The following FAM20C variants were observed in gnomAD, a reference collection of about 807,000 sequenced individuals.
The protein encoded by FAM20C is FAM20C golgi associated secretory pathway kinase, also known as extracellular serine/threonine protein kinase FAM20C.
FAM20C carries 40 observed loss-of-function variants against 51.5 expected under a neutral mutation model. The observed-to-expected ratio is 0.78, with a 90% confidence interval of 0.60 to 1.01. The LOEUF (loss-of-function observed/expected upper bound fraction) is 1.01. FAM20C is among the 50% of genes least tolerant of loss of function. FAM20C has a pLI of 0.00. For missense variants in FAM20C, 861 were observed against 844.7 expected (o/e 1.02, Z -0.24); for synonymous variants, 406 against 380.6 (o/e 1.07, Z -0.78).
At chr7:218,238 T>G (rs1027276322) in intron 3 of FAM20C, among the ~76,000 whole-genome samples, 1 of 152,208 alleles carries the variant, frequency 6.6e-6, no homozygotes, top group Non-Finnish European at 1.5e-5. Flanking sequence ...ATTTAGGTGT[T>G]CACCACGTGG....
chr7:193,909 C>T (rs1254112441), intron 1 of FAM20C, 105 bp downstream of exon 1: 4 of 1,407,346 alleles, frequency 2.8e-6, no homozygotes, highest in Middle Eastern at 2.5e-4. Context: ...TGGAAGAGGC[C>T]GGGCAGGGAG....
intron 2 of FAM20C, among the ~76,000 whole-genome samples, chr7:202,202 G>T (rs536487442): frequency 7.2e-5 from 11 of 152,076 alleles, no homozygotes; most frequent in Admixed American, 5.9e-4. Context: ...AGGACGGGTG[G>T]CCACTGGGCG....
At chr7:256,067 T>C in intron 6 of FAM20C, 38 bp downstream of exon 6, 1 of 1,527,166 alleles carries the variant, frequency 6.5e-7, no homozygotes, top group Non-Finnish European at 8.8e-7. Context: ...CCGGCCACCC[T>C]ACGGCAGAGG....
intron 3 of FAM20C, among the ~76,000 whole-genome samples, chr7:236,240 G>A (rs1016323758): frequency 2.3e-5 from 3 of 131,212 alleles, no homozygotes; most frequent in East Asian, 2.1e-4. Flanking sequence ...GCTCCTGGCC[G>A]AGGTGAGAGT....
chr7:218,602 C>T (rs976628360), intron 3 of FAM20C, among the ~76,000 whole-genome samples: 6 of 152,142 alleles, frequency 3.9e-5, no homozygotes, highest in African/African-American at 9.7e-5. Context: ...ACCGCTCTGA[C>T]GCCTCCTGGC....
chr7:219,981 C>T (rs1787179007), intron 3 of FAM20C, among the ~76,000 whole-genome samples: 1 of 152,102 alleles, frequency 6.6e-6, no homozygotes, highest in Admixed American at 6.5e-5. Flanking sequence ...GACAAGGACC[C>T]CTTTGTGTCC....
At chr7:201,038 C>G (rs1395425760) in intron 2 of FAM20C, among the ~76,000 whole-genome samples, 1 of 152,240 alleles carries the variant, frequency 6.6e-6, no homozygotes, top group Non-Finnish European at 1.5e-5. Context: ...CCGAGCAGAC[C>G]TCTCTGGCTT....
At chr7:236,212 G>A (rs886428778) in intron 3 of FAM20C, among the ~76,000 whole-genome samples, 13 of 98,284 alleles carry the variant, frequency 1.3e-4, no homozygotes, top group Non-Finnish European at 2.3e-4. Flanking sequence ...GCTCCTGGCC[G>A]AGGTGAGAGG....
intron 3 of FAM20C, among the ~76,000 whole-genome samples, chr7:219,058 C>T (rs2115092851): frequency 6.6e-6 from 1 of 152,328 alleles, no homozygotes; most frequent in African/African-American, 2.4e-5. Context: ...CAGTGCTCCC[C>T]ACCGCACAGA....
chr7:250,384 C>G (rs1788349123), intron 5 of FAM20C, among the ~76,000 whole-genome samples: 1 of 152,136 alleles, frequency 6.6e-6, no homozygotes, highest in Admixed American at 6.5e-5. Context: ...GGAAGAAGGG[C>G]TCCCTTCCCT....
rs1053899257 is a variant in FAM20C at position 232,528 on chromosome 7, T to C, written c.864-13887T>C. ...CAAACAGCTTAGCACAGCGCTTAGC[T>C]CAGAGTGAGAGCCACATCCCTGTTG... On this transcript the variant is annotated intron_variant, in intron 3 of 9. Transcript: ENST00000313766. 9.5e-4 allele frequency among the ~76,000 whole-genome samples: 145 copies of C among 152,348 alleles called. 1 individual carries two copies. In the East Asian group the frequency reaches 0.025, roughly 26 times the overall value.
intron 3 of FAM20C, among the ~76,000 whole-genome samples, chr7:218,376 G>T (rs1203765649): frequency 6.6e-6 from 1 of 152,246 alleles, no homozygotes; most frequent in African/African-American, 2.4e-5. Context: ...CCTCCGTCCA[G>T]TGCCGCGCTG....
At chr7:240,647 T>C (rs1195263704) in intron 3 of FAM20C, among the ~76,000 whole-genome samples, 2 of 152,166 alleles carry the variant, frequency 1.3e-5, no homozygotes, top group Admixed American at 1.3e-4. Flanking sequence ...TGAGTCCTCA[T>C]TCATTCATTT....
At chr7:213,575 G>A (rs184875300) in intron 3 of FAM20C, among the ~76,000 whole-genome samples, 10 of 152,112 alleles carry the variant, frequency 6.6e-5, no homozygotes, top group Non-Finnish European at 7.3e-5. Context: ...CTCTGTTGAC[G>A]GGCATTTGAG....
chr7:222,053 C>T (rs1175580073), intron 3 of FAM20C, among the ~76,000 whole-genome samples: 1 of 101,222 alleles, frequency 9.9e-6, no homozygotes, highest in Non-Finnish European at 2.2e-5. Context: ...GGCGGAGCCT[C>T]GTCTCCAGCA....
chr7:255,703 T>C, intron 5 of FAM20C, 146 bp from the exon 6 acceptor site: 4 of 805,408 alleles, frequency 5.0e-6, no homozygotes, highest in Non-Finnish European at 7.6e-6. Context: ...GGTGGAGGTG[T>C]TTGCTGGGAT....
chr7:252,419 C>T (rs191453178), intron 5 of FAM20C, among the ~76,000 whole-genome samples: 326 of 151,552 alleles, frequency 2.2e-3, no homozygotes, highest in African/African-American at 7.5e-3. Flanking sequence ...CAGGTCATCT[C>T]GGAGGCCCTG....
In FAM20C at chr7:256,322, C is replaced by T. The variant is rs1788588492; in HGVS notation, c.1253+293C>T. ...CTCTCGCCCCGTCCCTCTCCTCACT[C>T]CTGCGGGAGAAACGGCCCCTGTTCT... On this transcript the variant is annotated intron_variant, in intron 6 of 9. Coordinates refer to ENST00000313766, the MANE Select transcript of FAM20C (RefSeq NM_020223.4). 14 of 575,450 alleles carry T rather than the reference C, an allele frequency of 2.4e-5. No individual in the cohort carries two copies. In the South Asian group the frequency reaches 3.2e-4, roughly 13 times the overall value. 35.6% of individuals were successfully genotyped at this position (575,450 alleles called of 1,614,324 possible). A position where few individuals can be genotyped will look rare whatever the true frequency, so the allele number is the denominator to read the frequency against.
At chr7:218,332 C>T (rs1787098617) in intron 3 of FAM20C, among the ~76,000 whole-genome samples, 1 of 152,232 alleles carries the variant, frequency 6.6e-6, no homozygotes, top group South Asian at 2.1e-4. Flanking sequence ...CCGGTGCTCC[C>T]GTCCTGGAGG....
Sources: gnomAD v4.1 joint callset for allele counts (sites outside exome capture counted in the v4.1 genomes callset) on GRCh38, gnomAD v4.1.1 for gene constraint, MANE v1.5 for transcripts, NCBI Gene and HGNC (gene_info 2026-07-23, HGNC 2026-07-21) for gene names.